Variants in PLCXD3 observed in about 807,000 individuals in gnomAD.
The protein encoded by PLCXD3 is phosphatidylinositol specific phospholipase C X domain containing 3.
PLCXD3 carries 19 observed loss-of-function variants against 25.5 expected under a neutral mutation model. That is an observed-to-expected ratio of 0.75 (90% CI 0.52 to 1.09). The LOEUF is 1.09. Ranked by LOEUF, PLCXD3 falls within the 50% of genes least tolerant of loss-of-function variation. PLCXD3 has a pLI of 0.00. For missense variants in PLCXD3, 411 were observed against 388.1 expected (o/e 1.06, Z -0.50); for synonymous variants, 174 against 137.6 (o/e 1.26, Z -1.85).
intron 1 of PLCXD3, among the ~76,000 whole-genome samples, chr5:41,491,683 A>C (rs1459144453): frequency 6.6e-6 from 1 of 152,010 alleles, no homozygotes; most frequent in Non-Finnish European, 1.5e-5. Flanking sequence ...CTTTAGCATT[A>C]TGTAATGTCC....
intron 1 of PLCXD3, among the ~76,000 whole-genome samples, chr5:41,404,742 T>TCC (rs1489132481): frequency 3.3e-5 from 5 of 152,180 alleles, no homozygotes; most frequent in African/African-American, 1.2e-4. Context: ...GGTTGGTCTC[T>TCC]CAGTTTAGCC....
At chr5:41,356,734 C>T (rs1744630227) in intron 2 of PLCXD3, among the ~76,000 whole-genome samples, 1 of 152,150 alleles carries the variant, frequency 6.6e-6, no homozygotes, top group Admixed American at 6.5e-5. Flanking sequence ...AACAAAACTT[C>T]CTGGTGAAGT....
At chr5:41,492,909 T>C (rs1006431866) in intron 1 of PLCXD3, among the ~76,000 whole-genome samples, 9 of 152,230 alleles carry the variant, frequency 5.9e-5, no homozygotes, top group Admixed American at 1.3e-4. Context: ...TTTGATCATC[T>C]GAAGCCTTCT....
At chr5:41,460,859 A>C (rs373791982) in intron 1 of PLCXD3, among the ~76,000 whole-genome samples, 38 of 151,860 alleles carry the variant, frequency 2.5e-4, no homozygotes, top group African/African-American at 9.2e-4. Context: ...GGAATTGTGA[A>C]TTTTTTTTCT....
intron 1 of PLCXD3, among the ~76,000 whole-genome samples, chr5:41,400,731 T>G (rs1746155043): frequency 6.6e-6 from 1 of 151,998 alleles, no homozygotes; most frequent in African/African-American, 2.4e-5. Flanking sequence ...AGATGGTTAA[T>G]GGGTACAAAA....
chr5:41,313,469 G>A lies in PLCXD3; in HGVS notation c.*148C>T, dbSNP rs1743198928. The A allele has an allele frequency of 3.8e-6, 3 of 793,554 alleles. No homozygotes were observed. Among genetic ancestry groups the A allele is most frequent in the Admixed American group, 3.1e-5 (1 of 32,512 alleles). 49.2% of individuals were successfully genotyped at this position (793,554 alleles called of 1,614,324 possible). On this transcript the variant is annotated 3_prime_UTR_variant, in exon 3 of 3. Coordinates refer to ENST00000377801, the MANE Select transcript of PLCXD3 (RefSeq NM_001005473.3). Reference sequence around the variant, plus strand: ...GAAGAGTATGATTGTAATCACTGAAGAAACAGTTTTTCCCCTTTTCCCACC... The same window carrying A: ...GAAGAGTATGATTGTAATCACTGAAAAAACAGTTTTTCCCCTTTTCCCACC...
chr5:41,470,867 A>G (rs1748140381), intron 1 of PLCXD3, among the ~76,000 whole-genome samples: 1 of 152,216 alleles, frequency 6.6e-6, no homozygotes, highest in South Asian at 2.1e-4. Flanking sequence ...ATCTGCCGGC[A>G]GTGAGTCCCA....
At position 41,381,889 on chromosome 5, in the gene PLCXD3, G is replaced by T; in HGVS notation, c.749C>A (p.Thr250Asn). The T allele has an allele frequency of 6.2e-7, 1 of 1,613,126 alleles. No individual in the cohort carries two copies. Residue 250 changes from threonine to asparagine, a missense_variant, in exon 2 of 3, where the codon ACC (threonine) becomes AAC (asparagine). Thr to Asn is a moderately conservative substitution (Grantham distance 65). Coordinates refer to ENST00000377801, the MANE Select transcript of PLCXD3 (RefSeq NM_001005473.3). ...TTTGACCACAGTGCTAGCTTTGGGG[G>T]TCAGCACCACCTGAGATATAAAAAA... Reference protein sequence around the residue: ...GSFFISQVVLTPKASTVVKGV... With the variant: ...GSFFISQVVLNPKASTVVKGV...
intron 1 of PLCXD3, among the ~76,000 whole-genome samples, chr5:41,497,819 A>T (rs933970876): frequency 1.3e-5 from 2 of 151,924 alleles, no homozygotes; most frequent in African/African-American, 2.4e-5. Context: ...TATTGAAATT[A>T]TACCAAGTAT....
chr5:41,476,158 G>C (rs1397611321), intron 1 of PLCXD3, among the ~76,000 whole-genome samples: 1 of 152,204 alleles, frequency 6.6e-6, no homozygotes, highest in Non-Finnish European at 1.5e-5. Context: ...ATCCTAAGCT[G>C]AACCATTGTA....
chr5:41,362,153 T>A (rs1281399708), intron 2 of PLCXD3, among the ~76,000 whole-genome samples: 1 of 152,232 alleles, frequency 6.6e-6, no homozygotes, highest in Non-Finnish European at 1.5e-5. Flanking sequence ...CTTTTGTTTG[T>A]CCCTGAATTT....
intron 1 of PLCXD3, among the ~76,000 whole-genome samples, chr5:41,420,306 T>C (rs1339211366): frequency 6.6e-6 from 1 of 152,200 alleles, no homozygotes. Context: ...ATGAATATAT[T>C]GTGCTCGTTT....
intron 1 of PLCXD3, among the ~76,000 whole-genome samples, chr5:41,409,577 A>G (rs765536590): frequency 2.6e-5 from 4 of 152,164 alleles, no homozygotes; most frequent in Non-Finnish European, 4.4e-5. Flanking sequence ...TTTTCTTCAT[A>G]GAGTTTATCA....
intron 2 of PLCXD3, among the ~76,000 whole-genome samples, chr5:41,337,958 T>G (rs1018823469): frequency 6.6e-6 from 1 of 152,242 alleles, no homozygotes; most frequent in African/African-American, 2.4e-5. Context: ...TTTTCTAAAT[T>G]GTTTGACCAT....
intron 2 of PLCXD3, among the ~76,000 whole-genome samples, chr5:41,368,050 C>T (rs1303672214): frequency 6.6e-6 from 1 of 152,036 alleles, no homozygotes; most frequent in Non-Finnish European, 1.5e-5. Context: ...TTGCTTTGGG[C>T]AGTATGGCCA....
At chr5:41,392,829 AT>A (rs1745876183) in intron 1 of PLCXD3, among the ~76,000 whole-genome samples, 1 of 152,214 alleles carries the variant, frequency 6.6e-6, no homozygotes, top group African/African-American at 2.4e-5. Context: ...CAGAGACGAA[AT>A]TCAGAATTCT....
chr5:41,452,968 C>A (rs578197521), intron 1 of PLCXD3, among the ~76,000 whole-genome samples: 1 of 151,888 alleles, frequency 6.6e-6, no homozygotes, highest in African/African-American at 2.4e-5. Context: ...GATAAATAAC[C>A]TAATTAACAT....
chr5:41,479,458 G>A (rs1389916811), intron 1 of PLCXD3, among the ~76,000 whole-genome samples: 1 of 152,084 alleles, frequency 6.6e-6, no homozygotes, highest in Non-Finnish European at 1.5e-5. Flanking sequence ...CCACAGAATT[G>A]TATGCCTAAA....
chr5:41,381,785 A>C, intron 2 of PLCXD3, 41 bp downstream of exon 2: 1 of 1,482,498 alleles, frequency 6.7e-7, no homozygotes, highest in Non-Finnish European at 9.0e-7. Flanking sequence ...ATTCAAGTTA[A>C]ATTATTTGAG....
Sources: allele counts gnomAD v4.1 joint callset (sites outside exome capture counted in the v4.1 genomes callset), GRCh38; gene constraint gnomAD v4.1.1; transcripts MANE v1.5; gene names NCBI Gene and HGNC (gene_info 2026-07-23, HGNC 2026-07-21).